The following RBMS3 variants were observed in gnomAD, a reference collection of about 807,000 sequenced individuals.
The protein encoded by RBMS3 is RNA-binding motif, single-stranded-interacting protein 3.
A neutral mutation model predicts 66.8 loss-of-function variants in RBMS3; 27 were observed. The observed-to-expected ratio is 0.40, with a 90% CI of 0.30 to 0.56. The LOEUF is 0.56. Ranked by LOEUF, RBMS3 falls within the 20% of genes least tolerant of loss-of-function variation. The probability of loss-of-function intolerance (pLI) is 0.40; values close to 1 mark genes in which losing one functional copy is unlikely to be tolerated. For synonymous variants in RBMS3, 188 were observed against 183.0 expected, an observed-to-expected ratio of 1.03 and a Z score of -0.22; for missense variants, 513 against 549.5, an observed-to-expected ratio of 0.93 and a Z score of 0.66.
chr3:29,301,456 C>T (rs2033665233), intron 1 of RBMS3, among the ~76,000 whole-genome samples: 1 of 151,980 alleles, frequency 6.6e-6, no homozygotes, highest in South Asian at 2.1e-4. Flanking sequence ...AATTTAACCC[C>T]TCTTAACGTC....
At chr3:29,322,288 C>A (rs570412813) in intron 1 of RBMS3, among the ~76,000 whole-genome samples, 2 of 152,158 alleles carry the variant, frequency 1.3e-5, no homozygotes, top group East Asian at 3.9e-4. Context: ...AGTTCATAAT[C>A]TAGTAAAAAT....
At chr3:29,430,272 G>T (rs1306158500) in intron 1 of RBMS3, among the ~76,000 whole-genome samples, 10 of 151,976 alleles carry the variant, frequency 6.6e-5, no homozygotes, top group Admixed American at 6.6e-4. Context: ...AAAATCTGTG[G>T]ATTGATTGGT....
At chr3:29,651,389 T>C (rs558533820) in intron 4 of RBMS3, among the ~76,000 whole-genome samples, 37 of 152,316 alleles carry the variant, frequency 2.4e-4, no homozygotes, top group African/African-American at 8.4e-4. Flanking sequence ...AACGTGATTA[T>C]TATTCTTTGA....
chr3:29,392,370 GT>G, intron 1 of RBMS3, among the ~76,000 whole-genome samples: 1 of 152,048 alleles, frequency 6.6e-6, no homozygotes, highest in African/African-American at 2.4e-5. Flanking sequence ...TTATTTTTTG[GT>G]TACTTGTTTA....
chr3:29,742,789 G>A (rs367767922), intron 5 of RBMS3, among the ~76,000 whole-genome samples: 14 of 152,102 alleles, frequency 9.2e-5, no homozygotes, highest in East Asian at 5.8e-4. Flanking sequence ...CATAATTACC[G>A]TTCTGTGAAG....
At chr3:29,735,702 CTA>C (rs1248390122) in intron 4 of RBMS3, among the ~76,000 whole-genome samples, 1 of 152,114 alleles carries the variant, frequency 6.6e-6, no homozygotes, top group African/African-American at 2.4e-5. Flanking sequence ...ATTTTTGTCT[CTA>C]TAATATTCTT....
intron 6 of RBMS3, among the ~76,000 whole-genome samples, chr3:29,816,116 A>G (rs1258564503): frequency 6.6e-6 from 1 of 152,106 alleles, no homozygotes. Context: ...ATTCACACCT[A>G]CATGCTGAAA....
At chr3:29,840,324 AG>A (rs2058630507) in intron 6 of RBMS3, among the ~76,000 whole-genome samples, 1 of 152,106 alleles carries the variant, frequency 6.6e-6, no homozygotes, top group African/African-American at 2.4e-5. Flanking sequence ...AGACAATAAA[AG>A]CATTGAAAAT....
intron 1 of RBMS3, among the ~76,000 whole-genome samples, chr3:29,382,416 C>T (rs2038802866): frequency 6.6e-6 from 1 of 152,172 alleles, no homozygotes; most frequent in Non-Finnish European, 1.5e-5. Context: ...TTGATTTCTT[C>T]CTCAACGCTT....
chr3:29,452,772 C>T (rs1445467121), intron 2 of RBMS3, among the ~76,000 whole-genome samples: 3 of 152,102 alleles, frequency 2.0e-5, no homozygotes, highest in South Asian at 2.1e-4. Context: ...TGGAAAGAAA[C>T]ATACATTGTC....
At chr3:29,791,920 A>T (rs1294669936) in intron 6 of RBMS3, among the ~76,000 whole-genome samples, 1 of 152,182 alleles carries the variant, frequency 6.6e-6, no homozygotes, top group Non-Finnish European at 1.5e-5. Context: ...TTACCAACTT[A>T]TTTATTTTTC....
chr3:29,688,675 C>T (rs2051845644), intron 4 of RBMS3, among the ~76,000 whole-genome samples: 4 of 142,636 alleles, frequency 2.8e-5, no homozygotes, highest in Admixed American at 2.3e-4. Context: ...CTCCGCCTCC[C>T]AGGTTCAAGC....
At chr3:29,349,557 A>G (rs1372163807) in intron 1 of RBMS3, among the ~76,000 whole-genome samples, 1 of 152,138 alleles carries the variant, frequency 6.6e-6, no homozygotes, top group Non-Finnish European at 1.5e-5. Flanking sequence ...AGCACAGAAT[A>G]ACTTTCTCCA....
chr3:29,555,070 T>C (rs2046306725), intron 3 of RBMS3, among the ~76,000 whole-genome samples: 1 of 152,190 alleles, frequency 6.6e-6, no homozygotes, highest in African/African-American at 2.4e-5. Context: ...CATGAGTATA[T>C]AATCACCTTA....
chr3:29,946,148 T>C (rs1695290055), intron 12 of RBMS3, among the ~76,000 whole-genome samples: 1 of 151,758 alleles, frequency 6.6e-6, no homozygotes, highest in African/African-American at 2.4e-5. Context: ...GGTCTACGTC[T>C]AAATAGAAAT....
At position 29,768,616 on chromosome 3, in the gene RBMS3, T is replaced by C. The variant is rs140307733; in HGVS notation, c.637+5627T>C. 4.3e-3 allele frequency among the ~76,000 whole-genome samples: 653 copies of C among 152,018 alleles called. 6 individuals are homozygous for C. Among genetic ancestry groups the C allele is most frequent in the African/African-American group, 0.015 (607 of 41,520 alleles). On this transcript the variant is annotated intron_variant, in intron 6 of 14. Transcript: ENST00000383767. The stretch of plus-strand genomic sequence containing the variant: ...TCACTTTTCCACCTCAGGACAAAAT[T>C]TATAAAAGCTTGCTCAATGAGACAG...
chr3:29,625,042 T>C (rs1559518219), intron 4 of RBMS3, among the ~76,000 whole-genome samples: 1 of 152,136 alleles, frequency 6.6e-6, no homozygotes, highest in Non-Finnish European at 1.5e-5. Flanking sequence ...CAAAATCTGA[T>C]GGTTGCAAAG....
rs932527228 is a variant in RBMS3, at chr3:29,935,964, C to T, written c.940-122C>T. On this transcript the variant is annotated intron_variant, in intron 10 of 14. Transcript: ENST00000383767. ...AAAAATTATATACAGTTGAATTTAG[C>T]CTTTTTAGTAAAAAAGTAAAAACAT... is the stretch of plus-strand genomic sequence containing the variant. 7 of 776,468 alleles carry T rather than the reference C, an allele frequency of 9.0e-6. No individual in the cohort carries two copies. In the East Asian group the frequency reaches 1.6e-4, roughly 18 times the overall value. The allele number at this position is 776,468 out of a possible 1,614,324, so 48.1% of individuals were successfully genotyped here. A position where few individuals can be genotyped will look rare whatever the true frequency, so the allele number is the denominator to read the frequency against.
intron 1 of RBMS3, among the ~76,000 whole-genome samples, chr3:29,291,502 G>A (rs938696615): frequency 7.2e-5 from 11 of 151,934 alleles, no homozygotes; most frequent in East Asian, 1.9e-4. Context: ...TTTTTATTGC[G>A]TAATTGGTGA....
Sources: allele counts gnomAD v4.1 joint callset (sites outside exome capture counted in the v4.1 genomes callset), GRCh38; gene constraint gnomAD v4.1.1; transcripts MANE v1.5; gene names NCBI Gene and HGNC (gene_info 2026-07-23, HGNC 2026-07-21).